The following KCNB2 variants were observed in gnomAD, a reference collection of about 807,000 sequenced individuals.
The protein encoded by KCNB2 is delayed rectifier potassium channel protein.
KCNB2 carries 15 observed loss-of-function variants against 61.5 expected under a neutral mutation model. The ratio of observed to expected loss-of-function variants is 0.24; its 90% confidence interval spans 0.16 to 0.38. The LOEUF (loss-of-function observed/expected upper bound fraction) is 0.38. Among genes scored for constraint, KCNB2 ranks in the 10% least tolerant of loss-of-function variants. KCNB2 has a pLI of 1.00. For missense variants in KCNB2, 828 were observed against 1,125.2 expected, an observed-to-expected ratio of 0.74 and a Z score of 3.78; for synonymous variants, 457 against 446.0, an observed-to-expected ratio of 1.02 and a Z score of -0.31.
chr8:72,755,991 G>A (rs1440401172), intron 2 of KCNB2, among the ~76,000 whole-genome samples: 1 of 152,168 alleles, frequency 6.6e-6, no homozygotes, highest in African/African-American at 2.4e-5. Context: ...CTCCTCAGCT[G>A]TACATATGAT....
intron 2 of KCNB2, among the ~76,000 whole-genome samples, chr8:72,651,795 T>C (rs1295061119): frequency 6.6e-6 from 1 of 152,084 alleles, no homozygotes; most frequent in Non-Finnish European, 1.5e-5. Context: ...ACATTGAAAC[T>C]GAGCATATCA....
intron 2 of KCNB2, among the ~76,000 whole-genome samples, chr8:72,709,017 T>C (rs1866740): frequency 0.69 from 104,475 of 151,982 alleles, 36,976 homozygotes; most frequent in African/African-American, 0.85. Context: ...TGTTAAGGAG[T>C]CACTAATAAA....
At chr8:72,567,503 T>G in intron 1 of KCNB2, 139 bp from the exon 2 acceptor site, 2 of 450,756 alleles carry the variant, frequency 4.4e-6, no homozygotes, top group Non-Finnish European at 7.8e-6. Flanking sequence ...TCCAAAAGTA[T>G]GTAGACATTA....
chr8:72,558,022 A>G (rs1322426555), intron 1 of KCNB2, among the ~76,000 whole-genome samples: 4 of 152,212 alleles, frequency 2.6e-5, no homozygotes, highest in Non-Finnish European at 5.9e-5. Context: ...TAGTGCTTTG[A>G]AATTTATTAC....
rs1459304544 is a variant in KCNB2, at chr8:72,936,463, G to T, written c.1108G>T (p.Ala370Ser). ...TGCTACCAAGTTCACCAGTATCCCT[G>T]CATCATTTTGGTGGGCCACCATCAC... The part of the protein sequence containing the change: ...EDATKFTSIP[A>S]SFWWATITMT... Residue 370 changes from alanine (A) to serine (S), a missense_variant, in exon 3 of 3, where the codon GCA becomes TCA. This residue lies in a region of KCNB2 where 44 missense variants were observed against 167.6 expected (regional missense o/e 0.26). Transcript: ENST00000523207. This position sits in a 1 kb window ranked among gnomAD's most constrained non-coding sequence, Gnocchi z 5.6. 6.2e-7 allele frequency: 1 copy of T among 1,614,062 alleles called. No individual in the cohort carries two copies. The highest frequency in any genetic ancestry group is 8.5e-7 in the Non-Finnish European group (1 of 1,180,000).
At chr8:72,855,256 A>T (rs776237928) in intron 2 of KCNB2, among the ~76,000 whole-genome samples, 9 of 152,234 alleles carry the variant, frequency 5.9e-5, no homozygotes, top group Non-Finnish European at 1.0e-4. Context: ...CCTTGCTTGT[A>T]GAATAAAATT....
chr8:72,584,845 C>A (rs1329099892), intron 2 of KCNB2, among the ~76,000 whole-genome samples: 1 of 152,064 alleles, frequency 6.6e-6, no homozygotes, highest in Non-Finnish European at 1.5e-5. Flanking sequence ...TTTGGAGTTG[C>A]TAAAGATAAA....
intron 1 of KCNB2, among the ~76,000 whole-genome samples, chr8:72,539,397 C>T (rs1367307837): frequency 1.3e-5 from 2 of 152,162 alleles, no homozygotes; most frequent in African/African-American, 4.8e-5. Flanking sequence ...TATGCTTCCA[C>T]AAAGTAAATA....
intron 2 of KCNB2, among the ~76,000 whole-genome samples, chr8:72,577,769 G>A (rs1419684842): frequency 2.6e-5 from 4 of 152,190 alleles, no homozygotes; most frequent in African/African-American, 9.6e-5. Context: ...TGCAGCTCCA[G>A]ATGGGTTTGC....
chr8:72,641,598 TA>T (rs1806056202), intron 2 of KCNB2, among the ~76,000 whole-genome samples: 1 of 152,076 alleles, frequency 6.6e-6, no homozygotes, highest in Non-Finnish European at 1.5e-5. Flanking sequence ...CCAATGAAAC[TA>T]GATAACTTTG....
At chr8:72,634,444 T>C (rs1805934036) in intron 2 of KCNB2, among the ~76,000 whole-genome samples, 1 of 152,206 alleles carries the variant, frequency 6.6e-6, no homozygotes. Flanking sequence ...ACGCAACCTC[T>C]GTGAGTCTGT....
chr8:72,915,274 A>G (rs1022147131), intron 2 of KCNB2, among the ~76,000 whole-genome samples: 3 of 152,184 alleles, frequency 2.0e-5, no homozygotes, highest in Non-Finnish European at 4.4e-5. Context: ...GAAACAGATA[A>G]GGACAATGGA....
At chr8:72,578,979 G>A (rs1287653517) in intron 2 of KCNB2, among the ~76,000 whole-genome samples, 1 of 152,204 alleles carries the variant, frequency 6.6e-6, no homozygotes, top group Non-Finnish European at 1.5e-5. Flanking sequence ...CTGTGCAGAA[G>A]AGGTTCTCTA....
chr8:72,624,821 C>T (rs147225123), intron 2 of KCNB2, among the ~76,000 whole-genome samples: 1 of 152,282 alleles, frequency 6.6e-6, no homozygotes, highest in African/African-American at 2.4e-5. Flanking sequence ...TCGCAGTGCC[C>T]CTCCTGCTGG....
intron 2 of KCNB2, among the ~76,000 whole-genome samples, chr8:72,920,760 T>G (rs188693456): frequency 3.9e-4 from 60 of 152,020 alleles, no homozygotes; most frequent in African/African-American, 1.4e-3. Context: ...TTGCTAGTGA[T>G]TAATGAAAAT....
At chr8:72,758,529 CT>C (rs2128996264) in intron 2 of KCNB2, among the ~76,000 whole-genome samples, 1 of 152,290 alleles carries the variant, frequency 6.6e-6, no homozygotes, top group East Asian at 1.9e-4. Flanking sequence ...TAATCCAAGC[CT>C]GTTTTTAGAT....
rs534495820 is a variant in KCNB2, at chr8:72,809,291, C to A, written c.580-126644C>A. 2.0e-5 allele frequency among the ~76,000 whole-genome samples: 3 copies of A among 152,254 alleles called. 1 individual carries two copies. The South Asian group carries it at 6.2e-4, about 32-fold the overall frequency. On this transcript the variant is annotated intron_variant, in intron 2 of 2. Coordinates refer to ENST00000523207, the MANE Select transcript of KCNB2 (RefSeq NM_004770.3). ...CTCTTTTCTAAGACAAACACTTTAA[C>A]CAGTTTCCCTAACCAGTTTATCTTC...
rs941748000 is a variant in KCNB2 at position 72,682,611 on chromosome 8, A to G, written c.579+114298A>G. On this transcript the variant is annotated intron_variant, in intron 2 of 2. Transcript: ENST00000523207. ...TTGAATTTAAAAAAAAAAAAAAAAA[A>G]AGGAGAGGATTTCACTCTGTTTCCC... 1.4e-3 allele frequency among the ~76,000 whole-genome samples: 205 copies of G among 151,642 alleles called. 1 individual carries two copies. Among genetic ancestry groups the G allele is most frequent in the African/African-American group, 4.7e-3 (196 of 41,386 alleles).
intron 2 of KCNB2, among the ~76,000 whole-genome samples, chr8:72,773,221 G>A (rs892520868): frequency 3.9e-5 from 6 of 152,182 alleles, no homozygotes; most frequent in African/African-American, 1.4e-4. Flanking sequence ...CAGTCACTCA[G>A]CTGCCTCCCT....
Sources: gnomAD v4.1 joint callset for allele counts (sites outside exome capture counted in the v4.1 genomes callset) on GRCh38, gnomAD v4.1.1 for gene constraint, gnomAD v4.1.1 regional missense constraint, Gnocchi (gnomAD v3.1) non-coding constraint, MANE v1.5 for transcripts, NCBI Gene and HGNC (gene_info 2026-07-23, HGNC 2026-07-21) for gene names.